The following FOCAD variants were observed in gnomAD, a reference collection of about 807,000 sequenced individuals.
FOCAD encodes focadhesin.
Under a neutral mutation model 225.6 loss-of-function variants are expected in FOCAD, and 198 were observed. The ratio of observed to expected loss-of-function variants is 0.88; its 90% CI spans 0.78 to 0.99. FOCAD has a LOEUF of 0.99. Ranked by LOEUF, FOCAD falls within the 50% of genes least tolerant of loss-of-function variation. The probability of loss-of-function intolerance (pLI) is 0.00; values close to 1 mark genes in which losing one functional copy is unlikely to be tolerated. For missense variants in FOCAD, 2,713 were observed against 2,123.6 expected, an observed-to-expected ratio of 1.28 and a Z score of -5.46; for synonymous variants, 897 against 755.0, an observed-to-expected ratio of 1.19 and a Z score of -3.08.
chr9:20,723,790 T>A (rs1825982624), intron 4 of FOCAD, among the ~76,000 whole-genome samples: 2 of 152,238 alleles, frequency 1.3e-5, no homozygotes, highest in Admixed American at 6.5e-5. Context: ...GTTCTTGCAT[T>A]GCTATAAAGA....
chr9:20,885,060 A>AAAAAAT (rs779606890), intron 20 of FOCAD, 49 bp from the exon 21 acceptor site: 6 of 1,145,648 alleles, frequency 5.2e-6, no homozygotes, highest in Admixed American at 8.0e-5. Flanking sequence ...TTCTGTCTTA[A>AAAAAAT]AAAAATAAAA....
At chr9:20,769,925 T>C in intron 7 of FOCAD, 107 bp from the exon 8 acceptor site, 1 of 977,370 alleles carries the variant, frequency 1.0e-6, no homozygotes, top group Admixed American at 2.6e-5. Flanking sequence ...CTTTAAGTCT[T>C]TATAGGTTTA....
In FOCAD at chr9:20,770,058, G is replaced by C. The variant is rs549463779; in HGVS notation, c.726G>C (p.Glu242Asp). 1 of 1,613,988 alleles carries C rather than the reference G, an allele frequency of 6.2e-7. No homozygotes were observed. Among genetic ancestry groups the C allele is most frequent in the South Asian group, 1.1e-5 (1 of 91,076 alleles). ...TAAAAGATTTGATACAGACAACAGA[G>C]GCGATGATGTTTATTGAGGAAGTAT... Reference protein sequence around the residue: ...LQVKDLIQTTEAMMFIEEVCL... With the variant: ...LQVKDLIQTTDAMMFIEEVCL... Residue 242 changes from glutamate (E) to aspartate (D), a missense_variant, in exon 8 of 44, where the codon GAG (glutamate) becomes GAC (aspartate). Coordinates refer to ENST00000338382, the MANE Select transcript of FOCAD (RefSeq NM_001375567.1).
chr9:20,767,148 A>C (rs1394676434), intron 7 of FOCAD, among the ~76,000 whole-genome samples: 1 of 150,418 alleles, frequency 6.6e-6, no homozygotes, highest in Non-Finnish European at 1.5e-5. Context: ...TACAAAGGAC[A>C]TGAACTCATC....
At chr9:20,868,680 G>C (rs376634000) in intron 18 of FOCAD, among the ~76,000 whole-genome samples, 2 of 151,778 alleles carry the variant, frequency 1.3e-5, no homozygotes, top group Admixed American at 6.6e-5. Context: ...GCTATAAGGC[G>C]TATCCTTTTG....
chr9:20,901,913 C>A (rs1364309743), intron 21 of FOCAD, among the ~76,000 whole-genome samples: 1 of 136,460 alleles, frequency 7.3e-6, no homozygotes, highest in African/African-American at 2.7e-5. Context: ...TTTGTAAAAT[C>A]TGCAAAACTG....
intron 21 of FOCAD, among the ~76,000 whole-genome samples, chr9:20,904,851 A>G (rs1235288416): frequency 6.6e-6 from 1 of 151,998 alleles, no homozygotes; most frequent in Non-Finnish European, 1.5e-5. Context: ...AATTGGACAT[A>G]ATTGTCATAC....
intron 35 of FOCAD, among the ~76,000 whole-genome samples, chr9:20,957,854 A>G (rs566914964): frequency 2.0e-5 from 3 of 151,946 alleles, no homozygotes; most frequent in African/African-American, 4.8e-5. Context: ...CTTCTGCTAC[A>G]GCTTTCCTTC....
chr9:20,710,097 T>C (rs1824712200), intron 1 of FOCAD, among the ~76,000 whole-genome samples: 1 of 152,192 alleles, frequency 6.6e-6, no homozygotes, highest in African/African-American at 2.4e-5. Context: ...TCTATCACCA[T>C]TGATATTTGA....
chr9:20,935,881 A>G (rs1835897850), intron 28 of FOCAD, among the ~76,000 whole-genome samples: 3 of 152,232 alleles, frequency 2.0e-5, no homozygotes, highest in Admixed American at 1.3e-4. Context: ...TCCCCATGCT[A>G]ACCCCATGGT....
Position 20,740,242 on chromosome 9 carries a change from A to G in FOCAD, c.294A>G (p.Thr98=). 1 of 1,595,372 alleles carries G rather than the reference A, an allele frequency of 6.3e-7. No individual in the cohort carries two copies. The highest frequency in any genetic ancestry group is 8.6e-7 in the Non-Finnish European group (1 of 1,167,096). ...ILNLIPSTRN[T]HGLIKAIMHL... ...ATGCTATATTTCTTTGCAGAAATAC[A>G]CATGGCTTGATAAAAGCCATTATGC... Residue 98 remains threonine, a synonymous_variant, in exon 5 of 44, where the codon ACA becomes ACG. Transcript: ENST00000338382.
intron 4 of FOCAD, among the ~76,000 whole-genome samples, chr9:20,727,114 C>A (rs955048534): frequency 4.6e-5 from 7 of 152,084 alleles, no homozygotes; most frequent in Admixed American, 6.6e-5. Context: ...CCCATCTTGT[C>A]TTTTAAATAT....
chr9:20,783,184 C>G (rs913051291), intron 10 of FOCAD, among the ~76,000 whole-genome samples: 6 of 152,120 alleles, frequency 3.9e-5, no homozygotes, highest in Non-Finnish European at 7.4e-5. Context: ...ACTTGGTTTA[C>G]TATTTGCTCA....
At chr9:20,809,091 A>G (rs1330882588) in intron 11 of FOCAD, among the ~76,000 whole-genome samples, 1 of 152,138 alleles carries the variant, frequency 6.6e-6, no homozygotes, top group Non-Finnish European at 1.5e-5. Context: ...ATTTTACCAC[A>G]TTTATGCAGA....
chr9:20,684,983 C>G (rs1311926854), intron 1 of FOCAD, among the ~76,000 whole-genome samples: 1 of 152,206 alleles, frequency 6.6e-6, no homozygotes, highest in Non-Finnish European at 1.5e-5. Context: ...TTAGTTTCAG[C>G]TGTGGCGTCC....
chr9:20,735,820 G>A (rs758422927), intron 4 of FOCAD, among the ~76,000 whole-genome samples: 16 of 140,876 alleles, frequency 1.1e-4, no homozygotes, highest in Non-Finnish European at 2.4e-4. Flanking sequence ...CACTATGCCT[G>A]GCCTCTTCAA....
At chr9:20,790,765 AAAAAAC>A (rs1173373189) in intron 11 of FOCAD, among the ~76,000 whole-genome samples, 2 of 152,158 alleles carry the variant, frequency 1.3e-5, no homozygotes, top group Admixed American at 1.3e-4. Context: ...TCTCAAAAGC[AAAAAAC>A]AAAAACAAAA....
At chr9:20,742,033 A>G (rs191995519) in intron 5 of FOCAD, among the ~76,000 whole-genome samples, 4 of 152,274 alleles carry the variant, frequency 2.6e-5, no homozygotes, top group Non-Finnish European at 5.9e-5. Context: ...CCATTCACAA[A>G]GTTATGCCAC....
At chr9:20,741,836 T>G (rs1040963269) in intron 5 of FOCAD, among the ~76,000 whole-genome samples, 2 of 152,156 alleles carry the variant, frequency 1.3e-5, no homozygotes, top group Non-Finnish European at 2.9e-5. Context: ...AAAAAGAAAT[T>G]CAAACTCTTG....
Sources: allele counts gnomAD v4.1 joint callset (sites outside exome capture counted in the v4.1 genomes callset), GRCh38; gene constraint gnomAD v4.1.1; transcripts MANE v1.5; gene names NCBI Gene and HGNC (gene_info 2026-07-23, HGNC 2026-07-21).